COL6A5: variants seen among roughly 807,000 people sequenced by gnomAD.
COL6A5 encodes collagen alpha-5(VI) chain.
COL6A5 carries 48 observed loss-of-function variants against 65.6 expected under a neutral mutation model. The ratio of observed to expected loss-of-function variants is 0.73; its 90% confidence interval spans 0.58 to 0.93. The LOEUF is 0.93. Among genes scored for constraint, COL6A5 ranks in the 40% least tolerant of loss-of-function variants. The pLI, the probability that COL6A5 is intolerant of heterozygous loss-of-function variation, is 0.00. For synonymous variants in COL6A5, 291 were observed against 322.8 expected (o/e 0.90, Z 1.05); for missense variants, 914 against 928.3 (o/e 0.98, Z 0.20).
intron 7 of COL6A5, among the ~76,000 whole-genome samples, chr3:130,476,421 A>G (rs754343054): frequency 2.0e-5 from 3 of 152,126 alleles, no homozygotes; most frequent in Admixed American, 6.6e-5. Flanking sequence ...AGCAGGGGAT[A>G]TAATTAAAAA....
At chr3:130,401,917 G>C in intron 12 of COL6A5, 63 bp downstream of exon 12, 1 of 1,197,410 alleles carries the variant, frequency 8.4e-7, no homozygotes, top group Admixed American at 2.0e-5. Flanking sequence ...GTGGGACTGA[G>C]ACTGAGTGGT....
At chr3:130,445,809 G>C (rs1274801343) in intron 4 of COL6A5, among the ~76,000 whole-genome samples, 2 of 152,118 alleles carry the variant, frequency 1.3e-5, no homozygotes, top group Non-Finnish European at 2.9e-5. Flanking sequence ...TCTGCCAGAG[G>C]AGCAATTGTT....
At chr3:130,373,739 GA>G (rs1390320797) in intron 2 of COL6A5, 34 bp downstream of exon 2, 4 of 1,348,580 alleles carry the variant, frequency 3.0e-6, no homozygotes, top group South Asian at 1.4e-5. Flanking sequence ...TATTATTTAG[GA>G]AATATTTTTA....
chr3:130,370,411 G>A (rs1577436563), intron 1 of COL6A5, among the ~76,000 whole-genome samples: 1 of 152,118 alleles, frequency 6.6e-6, no homozygotes, highest in African/African-American at 2.4e-5. Context: ...ATAACTACAG[G>A]GCTGGAAGAG....
chr3:130,405,707 T>G, intron 14 of COL6A5, 48 bp downstream of exon 14: 1 of 1,363,518 alleles, frequency 7.3e-7, no homozygotes, highest in Non-Finnish European at 1.0e-6. Flanking sequence ...TAACATTCTC[T>G]CCCTCTCTTT....
intron 5 of COL6A5, among the ~76,000 whole-genome samples, chr3:130,456,568 CATATT>C (rs1709577674): frequency 6.6e-6 from 1 of 152,056 alleles, no homozygotes; most frequent in African/African-American, 2.4e-5. Flanking sequence ...TGTATCAAAA[CATATT>C]ATGTACCCCA....
intron 2 of COL6A5, among the ~76,000 whole-genome samples, chr3:130,375,740 C>T (rs1369110379): frequency 1.3e-5 from 2 of 152,118 alleles, no homozygotes; most frequent in Non-Finnish European, 2.9e-5. Flanking sequence ...ACATGTCCTT[C>T]TTCACATGGT....
chr3:130,427,155 A>T (rs1195685510), upstream of COL6A5, among the ~76,000 whole-genome samples: 2 of 152,186 alleles, frequency 1.3e-5, no homozygotes, highest in Non-Finnish European at 2.9e-5. Flanking sequence ...TACAGGCATT[A>T]AATATTATAA....
chr3:130,403,705 C>T (rs1443030610), intron 13 of COL6A5, 43 bp downstream of exon 13: 5 of 1,392,072 alleles, frequency 3.6e-6, no homozygotes, highest in South Asian at 2.5e-5. Flanking sequence ...TGCACACACA[C>T]TGTACACACA....
At chr3:130,395,312 G>C in exon 8 of COL6A5, 1 of 1,551,446 alleles carries the variant, frequency 6.4e-7, no homozygotes, top group Non-Finnish European at 8.7e-7. Context: ...TTGTGTCCTG[G>C]TTTTGGGCAT....
At chr3:130,411,528 GA>G (rs1333573093) in intron 20 of COL6A5, among the ~76,000 whole-genome samples, 1 of 152,158 alleles carries the variant, frequency 6.6e-6, no homozygotes, top group African/African-American at 2.4e-5. Flanking sequence ...GCTGGAGTTG[GA>G]AGGGGTTAGG....
chr3:130,414,764 C>T (rs1021521427), intron 22 of COL6A5, among the ~76,000 whole-genome samples: 1 of 152,036 alleles, frequency 6.6e-6, no homozygotes, highest in Non-Finnish European at 1.5e-5. Context: ...CCACCTTAAG[C>T]CTGGACTCGT....
At chr3:130,468,763 TA>T in intron 5 of COL6A5, 31 bp from the exon 38 acceptor site, 1 of 1,506,100 alleles carries the variant, frequency 6.6e-7, no homozygotes, top group Non-Finnish European at 9.1e-7. Context: ...ATCTTTCCAT[TA>T]AAAAGAATGA....
rs771100022 is a variant in COL6A5 at position 130,400,904 on chromosome 3, C to G, written c.3992-127C>G. ...CTTCATATGTCAGGAGTACTCCTTCCTCTTATGTTTGTTTTTTTCCCCTTT... is the reference window on the plus strand; with the variant it reads ...CTTCATATGTCAGGAGTACTCCTTCGTCTTATGTTTGTTTTTTTCCCCTTT... On this transcript the variant is annotated intron_variant and NMD_transcript_variant, in intron 10 of 41. Transcript: ENST00000312481. 1.5e-4 allele frequency: 114 copies of G among 744,390 alleles called. No homozygotes were observed. In the African/African-American group the frequency reaches 2.0e-3, roughly 13 times the overall value. 46.1% of individuals were successfully genotyped at this position (744,390 alleles called of 1,614,324 possible). A position where few individuals can be genotyped will look rare whatever the true frequency, so the allele number is the denominator to read the frequency against.
intron 10 of COL6A5, 135 bp from the exon 11 acceptor site, chr3:130,400,896 A>T: frequency 1.6e-6 from 1 of 638,042 alleles, no homozygotes; most frequent in Non-Finnish European, 2.5e-6. Flanking sequence ...TGTCAGGAGT[A>T]CTCCTTCCTC....
chr3:130,367,168 C>T (rs1435839322), intron 1 of COL6A5, among the ~76,000 whole-genome samples: 1 of 152,220 alleles, frequency 6.6e-6, no homozygotes, highest in Non-Finnish European at 1.5e-5. Context: ...GTTTTAGGAG[C>T]TGGTGGCATA....
At chr3:130,472,827 GTATACATATATA>G (rs1176605506) in intron 7 of COL6A5, among the ~76,000 whole-genome samples, 16 of 17,734 alleles carry the variant, frequency 9.0e-4, no homozygotes, top group Non-Finnish European at 1.9e-3. Flanking sequence ...ATATGTGTGT[GTATACATATATA>G]TATATATATA....
intron 27 of COL6A5, among the ~76,000 whole-genome samples, 187 bp downstream of exon 27, chr3:130,421,547 CT>C (rs1937518249): frequency 6.6e-6 from 1 of 152,112 alleles, no homozygotes; most frequent in Non-Finnish European, 1.5e-5. Context: ...AAAGATTGTT[CT>C]GTCCATCATT....
chr3:130,484,119 A>C, exon 8 of COL6A5: 4 of 1,483,132 alleles, frequency 2.7e-6, no homozygotes, highest in Non-Finnish European at 3.7e-6. Flanking sequence ...ACCAGAATGT[A>C]TAATCATCTG....
Sources: allele counts gnomAD v4.1 joint callset (sites outside exome capture counted in the v4.1 genomes callset), GRCh38; gene constraint gnomAD v4.1.1; transcripts MANE v1.5; gene names NCBI Gene and HGNC (gene_info 2026-07-23, HGNC 2026-07-21).